TBC1D32: variants seen among roughly 807,000 people sequenced by gnomAD.
The protein encoded by TBC1D32 is TBC1 domain family member 32.
TBC1D32 carries 151 observed loss-of-function variants against 170.3 expected under a neutral mutation model. That is an observed-to-expected ratio of 0.89 (90% CI 0.78 to 1.01). The LOEUF (loss-of-function observed/expected upper bound fraction) is 1.01. Ranked by LOEUF, TBC1D32 falls within the 50% of genes least tolerant of loss-of-function variation. The probability of loss-of-function intolerance (pLI) is 0.00; values close to 1 mark genes in which losing one functional copy is unlikely to be tolerated. For missense variants in TBC1D32, 1,464 were observed against 1,457.1 expected, an observed-to-expected ratio of 1.00 and a Z score of -0.08; for synonymous variants, 498 against 488.0, an observed-to-expected ratio of 1.02 and a Z score of -0.27.
intron 3 of TBC1D32, among the ~76,000 whole-genome samples, chr6:121,313,125 T>C (rs1361129295): frequency 1.1e-5 from 1 of 92,726 alleles, no homozygotes; most frequent in Non-Finnish European, 2.2e-5. Context: ...TGTGTGTGTG[T>C]GTGTGTGTGT....
intron 30 of TBC1D32, among the ~76,000 whole-genome samples, chr6:121,098,563 G>C (rs182211325): frequency 1.3e-5 from 2 of 151,902 alleles, no homozygotes; most frequent in Non-Finnish European, 2.9e-5. Flanking sequence ...CATGAAAAAC[G>C]TAAGACTATT....
chr6:121,130,514 C>A (rs1227743727), intron 25 of TBC1D32, among the ~76,000 whole-genome samples: 24 of 151,894 alleles, frequency 1.6e-4, no homozygotes, highest in Admixed American at 1.4e-3. Context: ...TAACTGAGGT[C>A]CAGAATTGTG....
intron 17 of TBC1D32, among the ~76,000 whole-genome samples, chr6:121,252,519 T>C (rs1798432322): frequency 6.6e-6 from 1 of 152,052 alleles, no homozygotes; most frequent in African/African-American, 2.4e-5. Flanking sequence ...AGTCAAACGA[T>C]GAGAACACAT....
At chr6:121,082,355 C>A (rs961966112) in intron 31 of TBC1D32, among the ~76,000 whole-genome samples, 3 of 151,962 alleles carry the variant, frequency 2.0e-5, no homozygotes, top group African/African-American at 7.2e-5. Context: ...AAGAACAATC[C>A]TACTGTTCAA....
chr6:121,131,820 A>G, intron 24 of TBC1D32, 68 bp from the exon 25 acceptor site: 3 of 1,274,152 alleles, frequency 2.4e-6, no homozygotes, highest in South Asian at 3.1e-5. Context: ...ATTAATGTTA[A>G]CTATGTAAAC....
intron 31 of TBC1D32, among the ~76,000 whole-genome samples, chr6:121,088,733 G>A (rs1776504871): frequency 6.6e-6 from 1 of 152,010 alleles, no homozygotes; most frequent in Non-Finnish European, 1.5e-5. Context: ...AAACAACAAG[G>A]GTAAAAAGTA....
chr6:121,325,609 A>G (rs1810353228), intron 1 of TBC1D32, among the ~76,000 whole-genome samples: 1 of 152,224 alleles, frequency 6.6e-6, no homozygotes, highest in South Asian at 2.1e-4. Context: ...CTTACGCCTT[A>G]TACAAAAATT....
chr6:121,231,061 T>C (rs553057602), intron 20 of TBC1D32, among the ~76,000 whole-genome samples: 30 of 152,252 alleles, frequency 2.0e-4, no homozygotes, highest in African/African-American at 6.7e-4. Flanking sequence ...TTCCTAAATA[T>C]TTCACTTAGA....
intron 26 of TBC1D32, among the ~76,000 whole-genome samples, chr6:121,118,832 G>A (rs1203091121): frequency 6.6e-6 from 1 of 152,106 alleles, no homozygotes; most frequent in Non-Finnish European, 1.5e-5. Flanking sequence ...TTGTATCCAT[G>A]CATTTTATTC....
intron 10 of TBC1D32, among the ~76,000 whole-genome samples, chr6:121,298,835 C>T (rs1022462317): frequency 2.0e-5 from 3 of 152,168 alleles, no homozygotes; most frequent in African/African-American, 7.2e-5. Context: ...TGTTTATTGA[C>T]CCAAAGCTAT....
intron 22 of TBC1D32, 51 bp from the exon 23 acceptor site, chr6:121,161,107 T>A: frequency 1.5e-6 from 2 of 1,364,260 alleles, no homozygotes; most frequent in Non-Finnish European, 2.0e-6. Context: ...GAATATGTGT[T>A]AATTTTTAAA....
At chr6:121,300,163 GC>G (rs1191092904) in intron 9 of TBC1D32, among the ~76,000 whole-genome samples, 1 of 152,082 alleles carries the variant, frequency 6.6e-6, no homozygotes, top group Non-Finnish European at 1.5e-5. Flanking sequence ...AAAAATATTG[GC>G]CGGGCACAGT....
chr6:121,176,640 C>T (rs559108890), intron 22 of TBC1D32, among the ~76,000 whole-genome samples: 31 of 151,990 alleles, frequency 2.0e-4, no homozygotes, highest in African/African-American at 7.2e-4. Flanking sequence ...CTCTTGTCCC[C>T]CAGGCTGGAG....
chr6:121,116,716 T>C (rs1329349809), intron 26 of TBC1D32, among the ~76,000 whole-genome samples: 1 of 152,174 alleles, frequency 6.6e-6, no homozygotes, highest in Non-Finnish European at 1.5e-5. Flanking sequence ...AATAAAGTTA[T>C]GCAGCAAGGT....
At chr6:121,246,200 C>G (rs1797575099) in intron 17 of TBC1D32, among the ~76,000 whole-genome samples, 1 of 152,128 alleles carries the variant, frequency 6.6e-6, no homozygotes, top group Non-Finnish European at 1.5e-5. Flanking sequence ...CTGCCGGAGA[C>G]AGTGAACTTG....
At chr6:121,099,830 G>C (rs1471372161) in intron 30 of TBC1D32, among the ~76,000 whole-genome samples, 1 of 151,868 alleles carries the variant, frequency 6.6e-6, no homozygotes, top group Non-Finnish European at 1.5e-5. Flanking sequence ...TGAAGTGGTT[G>C]TTATTAAATA....
At chr6:121,126,693 T>C (rs901130616) in intron 25 of TBC1D32, among the ~76,000 whole-genome samples, 2 of 152,142 alleles carry the variant, frequency 1.3e-5, no homozygotes, top group Admixed American at 1.3e-4. Flanking sequence ...AAAAGGATCA[T>C]CTGTTTTCTT....
At chr6:121,130,776 CCCA>C (rs1562583151) in intron 25 of TBC1D32, among the ~76,000 whole-genome samples, 1 of 152,008 alleles carries the variant, frequency 6.6e-6, no homozygotes, top group Non-Finnish European at 1.5e-5. Flanking sequence ...AACTGTGCAG[CCCA>C]CCATTTATAT....
chr6:121,320,324 G>A (rs547885140), intron 2 of TBC1D32, among the ~76,000 whole-genome samples: 10 of 151,552 alleles, frequency 6.6e-5, no homozygotes, highest in African/African-American at 2.4e-4. Flanking sequence ...AAATCTTTGT[G>A]AGGTAATTAT....
Sources: gnomAD v4.1 joint callset for allele counts (sites outside exome capture counted in the v4.1 genomes callset) on GRCh38, gnomAD v4.1.1 for gene constraint, MANE v1.5 for transcripts, NCBI Gene and HGNC (gene_info 2026-07-23, HGNC 2026-07-21) for gene names.